SH3PXD2A: variants seen among roughly 807,000 people sequenced by gnomAD.
The protein encoded by SH3PXD2A is SH3 and PX domain-containing protein 2A.
A neutral mutation model predicts 115.2 loss-of-function variants in SH3PXD2A; 32 were observed. That is an observed-to-expected ratio of 0.28 (90% CI 0.21 to 0.37). The LOEUF (loss-of-function observed/expected upper bound fraction) is 0.37. Among genes scored for constraint, SH3PXD2A ranks in the 10% least tolerant of loss-of-function variants. The pLI is 1.00. For synonymous variants in SH3PXD2A, 610 were observed against 629.1 expected (o/e 0.97, Z 0.45); for missense variants, 1,328 against 1,498.7 (o/e 0.89, Z 1.88).
intron 1 of SH3PXD2A, among the ~76,000 whole-genome samples, chr10:103,820,386 G>A (rs1208924744): frequency 1.3e-5 from 2 of 152,188 alleles, no homozygotes; most frequent in Non-Finnish European, 2.9e-5. Flanking sequence ...AAGCTGGCTG[G>A]AGAAGAGTCC....
intron 2 of SH3PXD2A, among the ~76,000 whole-genome samples, chr10:103,783,748 A>G (rs1421765631): frequency 1.3e-5 from 2 of 152,218 alleles, no homozygotes; most frequent in East Asian, 3.9e-4. Context: ...AGGACTTCCC[A>G]GTGTTCCTTC....
chr10:103,751,532 C>T (rs1198004145), intron 3 of SH3PXD2A, among the ~76,000 whole-genome samples: 1 of 152,326 alleles, frequency 6.6e-6, no homozygotes, highest in East Asian at 1.9e-4. Flanking sequence ...CTATGGGGAT[C>T]TGAATCCAGG....
chr10:103,771,765 A>T (rs58342695), intron 2 of SH3PXD2A, among the ~76,000 whole-genome samples: 4 of 127,848 alleles, frequency 3.1e-5, no homozygotes, highest in African/African-American at 9.4e-5. Flanking sequence ...ACACACACAC[A>T]CACACACACA....
rs549809358 is a variant in SH3PXD2A, at chr10:103,678,749, C to A, written c.428-10097G>T. On this transcript the variant is annotated intron_variant, in intron 6 of 14. Transcript: ENST00000369774. ...CATGTGCATCTCCTAGTGTCAGGAA[C>A]CTGGCTGCAGGACAGTGATCCTGGA... Among the ~76,000 whole-genome samples the A allele has an allele frequency of 3.3e-5, 5 of 152,298 alleles. No homozygotes were observed. In the South Asian group the frequency reaches 8.3e-4, roughly 25 times the overall value.
At chr10:103,748,220 G>C (rs1353703383) in intron 3 of SH3PXD2A, among the ~76,000 whole-genome samples, 3 of 152,230 alleles carry the variant, frequency 2.0e-5, no homozygotes, top group Admixed American at 6.5e-5. Context: ...CTTTACAGAT[G>C]AGTAAACTGA....
At chr10:103,776,428 G>GTGTGTC (rs2038879427) in intron 2 of SH3PXD2A, among the ~76,000 whole-genome samples, 1 of 104,340 alleles carries the variant, frequency 9.6e-6, no homozygotes, top group African/African-American at 3.8e-5. Context: ...GTGCATGCGT[G>GTGTGTC]TGTGTGTCTG....
intron 3 of SH3PXD2A, among the ~76,000 whole-genome samples, chr10:103,763,869 T>C (rs1218401646): frequency 6.6e-6 from 1 of 152,214 alleles, no homozygotes; most frequent in East Asian, 1.9e-4. Flanking sequence ...TGGAACAGTT[T>C]TGTGGTGCCA....
intron 2 of SH3PXD2A, among the ~76,000 whole-genome samples, chr10:103,798,237 A>G (rs1009371210): frequency 3.3e-5 from 5 of 152,212 alleles, no homozygotes; most frequent in African/African-American, 9.6e-5. Flanking sequence ...TTATCTGAAT[A>G]GACCCCCAAG....
rs1431137520 is a variant in SH3PXD2A at position 103,756,654 on chromosome 10, G to A, written c.229+10440C>T. ...CGGATGCAGCCCACAGGCAGGAGTG[G>A]GGAGTGGTGGTGAGGTGAAACACTC... On this transcript the variant is annotated intron_variant, in intron 3 of 14. Transcript: ENST00000369774. The surrounding 1 kb of genome is among the most constrained non-coding windows in gnomAD (Gnocchi z 4.4). Among the ~76,000 whole-genome samples, 1 of 152,136 alleles carries A rather than the reference G, an allele frequency of 6.6e-6. No homozygotes were observed. Among genetic ancestry groups the A allele is most frequent in the African/African-American group, 2.4e-5 (1 of 41,430 alleles).
At chr10:103,790,917 G>A (rs74653346) in intron 2 of SH3PXD2A, among the ~76,000 whole-genome samples, 8 of 152,268 alleles carry the variant, frequency 5.3e-5, no homozygotes, top group African/African-American at 1.4e-4. Flanking sequence ...ATTTCCCAGC[G>A]GACATCGTTA....
chr10:103,704,774 A>G (rs1237470803), intron 5 of SH3PXD2A, among the ~76,000 whole-genome samples: 7 of 152,164 alleles, frequency 4.6e-5, no homozygotes, highest in African/African-American at 1.7e-4. Flanking sequence ...CAGAGCATAC[A>G]TGTAAAGGAC....
At chr10:103,661,682 G>A (rs1182797638) in intron 7 of SH3PXD2A, 5 of 985,308 alleles carry the variant, frequency 5.1e-6, no homozygotes, top group African/African-American at 1.7e-5. Flanking sequence ...AGAGGGAGAG[G>A]AGAGAGCGGG....
intron 2 of SH3PXD2A, among the ~76,000 whole-genome samples, chr10:103,783,649 G>T (rs190557215): frequency 1.1e-3 from 165 of 152,340 alleles, no homozygotes; most frequent in African/African-American, 3.7e-3. Flanking sequence ...TCTGCTGCTT[G>T]GATGGCTTCC....
At chr10:103,799,981 A>G (rs1304928447) in intron 2 of SH3PXD2A, among the ~76,000 whole-genome samples, 1 of 152,206 alleles carries the variant, frequency 6.6e-6, no homozygotes, top group Non-Finnish European at 1.5e-5. Flanking sequence ...AATGAGGACA[A>G]TGAGATAGAA....
intron 9 of SH3PXD2A, among the ~76,000 whole-genome samples, chr10:103,623,928 G>T (rs2036650053): frequency 6.6e-6 from 1 of 152,250 alleles, no homozygotes; most frequent in South Asian, 2.1e-4. Flanking sequence ...ACAGTAAGGT[G>T]TTGATGTCGG....
chr10:103,787,938 C>G (rs1326170897), intron 2 of SH3PXD2A, among the ~76,000 whole-genome samples: 1 of 152,152 alleles, frequency 6.6e-6, no homozygotes, highest in Non-Finnish European at 1.5e-5. Flanking sequence ...CCATAATTAG[C>G]AGATAGAGCC....
At chr10:103,676,227 T>C (rs909840666) in intron 6 of SH3PXD2A, among the ~76,000 whole-genome samples, 3 of 152,132 alleles carry the variant, frequency 2.0e-5, no homozygotes, top group Non-Finnish European at 2.9e-5. Context: ...TTTTCGTAAA[T>C]GCAGCAAGAA....
intron 7 of SH3PXD2A, among the ~76,000 whole-genome samples, chr10:103,667,440 G>A (rs1233901418): frequency 6.6e-6 from 1 of 152,220 alleles, no homozygotes; most frequent in Non-Finnish European, 1.5e-5. Context: ...ATTGCTGTGG[G>A]CCAAGTGGGC....
Position 103,603,738 on chromosome 10 carries a change from C to G in SH3PXD2A, c.1480G>C (p.Glu494Gln). 6.2e-7 allele frequency: 1 copy of G among 1,611,188 alleles called. No individual in the cohort carries two copies. The highest frequency in any genetic ancestry group is 8.5e-7 in the Non-Finnish European group (1 of 1,179,958). ...GWWYVQIGEKEGWAPASYIDK... is the reference protein window; with the variant it reads ...GWWYVQIGEKQGWAPASYIDK... The stretch of plus-strand genomic sequence containing the variant: ...ATGTATGATGCGGGGGCCCAGCCCT[C>G]CTTCTCACCGATCTGCACGTACCAC... Residue 494 changes from glutamate (E) to glutamine (Q), a missense_variant, in exon 15 of 15, where the codon GAG (glutamate) becomes CAG (glutamine). This residue lies in a region of SH3PXD2A where 509 missense variants were observed against 628.3 expected (regional missense o/e 0.81). Coordinates refer to ENST00000369774, the MANE Select transcript of SH3PXD2A (RefSeq NM_001394015.1).
Sources: gnomAD v4.1 joint callset for allele counts (sites outside exome capture counted in the v4.1 genomes callset) on GRCh38, gnomAD v4.1.1 for gene constraint, gnomAD v4.1.1 regional missense constraint, Gnocchi (gnomAD v3.1) non-coding constraint, MANE v1.5 for transcripts, NCBI Gene and HGNC (gene_info 2026-07-23, HGNC 2026-07-21) for gene names.